The following HM13 variants were observed in gnomAD, a reference collection of about 807,000 sequenced individuals.
The protein encoded by HM13 is histocompatibility minor 13.
In HM13, 18 loss-of-function variants were observed where a neutral mutation model predicts 50.0. The observed-to-expected ratio is 0.36, with a 90% CI of 0.25 to 0.53. HM13 has a LOEUF of 0.53. HM13 is among the 20% of genes least tolerant of loss of function. The pLI is 0.90. For synonymous variants in HM13, 197 were observed against 232.6 expected (o/e 0.85, Z 1.39); for missense variants, 393 against 552.4 (o/e 0.71, Z 2.89).
intron 2 of HM13, chr20:31,527,838 G>T: frequency 4.9e-6 from 2 of 404,580 alleles, no homozygotes; most frequent in Non-Finnish European, 4.4e-6. Flanking sequence ...TCATTGTACT[G>T]TTTATGTTGG....
Position 31,514,807 on chromosome 20 carries a change from G to T in HM13, c.183+73G>T. 3 of 1,340,078 alleles carry T rather than the reference G, an allele frequency of 2.2e-6. No homozygotes were observed. The highest frequency in any genetic ancestry group is 2.9e-6 in the Non-Finnish European group (3 of 1,022,284). The allele number at this position is 1,340,078 out of a possible 1,614,324, so 83.0% of individuals were successfully genotyped here. ...CGGCCGACATGGACCCTTCCTAGGC[G>T]GGACAGACACCTCTCCCCGGACACT... On this transcript the variant is annotated intron_variant, in intron 1 of 12. Coordinates refer to ENST00000398174, the MANE Select transcript of HM13 (RefSeq NM_178581.3). The surrounding 1 kb of genome is among the most constrained non-coding windows in gnomAD (Gnocchi z 4.3).
At chr20:31,534,761 A>C (rs1983014455) in intron 2 of HM13, among the ~76,000 whole-genome samples, 1 of 148,386 alleles carries the variant, frequency 6.7e-6, no homozygotes, top group African/African-American at 2.5e-5. Flanking sequence ...CAGCCTAGGC[A>C]ACAAAGTGAG....
At chr20:31,533,804 C>G (rs1260239769) in intron 2 of HM13, among the ~76,000 whole-genome samples, 1 of 152,206 alleles carries the variant, frequency 6.6e-6, no homozygotes, top group Non-Finnish European at 1.5e-5. Flanking sequence ...CTCTCAAGGA[C>G]TTTCACACTG....
At chr20:31,556,476 C>T (rs1984321259) in intron 8 of HM13, among the ~76,000 whole-genome samples, 2 of 152,158 alleles carry the variant, frequency 1.3e-5, no homozygotes, top group African/African-American at 4.8e-5. Context: ...GTGACAGTTG[C>T]ATTTTGTGAC....
chr20:31,560,129 TCAGA>T (rs1378464914), intron 9 of HM13, among the ~76,000 whole-genome samples: 4 of 152,186 alleles, frequency 2.6e-5, no homozygotes, highest in Admixed American at 6.5e-5. Context: ...CTCTCTTTAC[TCAGA>T]CATTTTTCAG....
At position 31,561,464 on chromosome 20, in the gene HM13, C is replaced by G. The variant is rs73233683; in HGVS notation, c.846-170C>G. ...AGAAGGAAAGCAACTTGTCCAGAGA[C>G]ACATAGCTGGGGGCAGTATCAGCGT... On this transcript the variant is annotated intron_variant, in intron 9 of 12. Transcript: ENST00000398174. 9.3e-3 allele frequency among the ~76,000 whole-genome samples: 1,414 copies of G among 152,300 alleles called. 16 individuals are homozygous for G. Among genetic ancestry groups the G allele is most frequent in the African/African-American group, 0.032 (1,342 of 41,546 alleles).
intron 1 of HM13, among the ~76,000 whole-genome samples, chr20:31,523,381 G>T: frequency 6.6e-6 from 1 of 151,042 alleles, no homozygotes. Context: ...TCCTCCCTCA[G>T]CCTCCCAAGT....
intron 1 of HM13, among the ~76,000 whole-genome samples, chr20:31,516,620 C>T (rs1197151171): frequency 1.3e-5 from 2 of 152,128 alleles, no homozygotes; most frequent in African/African-American, 4.8e-5. Context: ...ACCAGGTAAG[C>T]AGAGAGAGGT....
intron 9 of HM13, among the ~76,000 whole-genome samples, chr20:31,561,233 A>G (rs1361883992): frequency 1.3e-5 from 2 of 152,192 alleles, no homozygotes; most frequent in Non-Finnish European, 2.9e-5. Context: ...CAAAATGCAG[A>G]TTCCTGGGCC....
Position 31,549,285 on chromosome 20 carries a change from A to G in HM13, c.619A>G (p.Thr207Ala). Reference protein sequence around the residue: ...VELLHLNNVSTGCILLGGLFI... With the variant: ...VELLHLNNVSAGCILLGGLFI... ...GCTCCTGCACCTCAACAATGTCAGC[A>G]CTGGCTGCATCCTGCTGGGCGGACT... Residue 207 changes from threonine (T) to alanine (A), a missense_variant, in exon 6 of 13, where the codon ACT (threonine) becomes GCT (alanine). Thr to Ala is a moderately conservative substitution (Grantham distance 58). Coordinates refer to ENST00000398174, the MANE Select transcript of HM13 (RefSeq NM_178581.3). 1 of 1,614,208 alleles carries G rather than the reference A, an allele frequency of 6.2e-7. No individual in the cohort carries two copies. Among genetic ancestry groups the G allele is most frequent in the Non-Finnish European group, 8.5e-7 (1 of 1,180,032 alleles).
chr20:31,527,376 A>G (rs1982553598), intron 1 of HM13, 108 bp from the exon 2 acceptor site: 3 of 710,868 alleles, frequency 4.2e-6, no homozygotes, highest in Admixed American at 2.7e-5. Flanking sequence ...ATCTTGCCCC[A>G]GGATGAGGCA....
At chr20:31,559,542 C>T in intron 8 of HM13, 69 bp from the exon 9 acceptor site, 1 of 1,499,308 alleles carries the variant, frequency 6.7e-7, no homozygotes. Context: ...GGGACCAGGA[C>T]CCAGTCTCCT....
chr20:31,569,072 C>T (rs1985107173), intron 12 of HM13, 48 bp from the exon 13 acceptor site: 3 of 1,345,844 alleles, frequency 2.2e-6, no homozygotes, highest in Non-Finnish European at 3.1e-6. Flanking sequence ...TTCTGCTCAC[C>T]CTCTCCTCTA....
rs1239691230 is a variant in HM13 at position 31,529,753 on chromosome 20, C to CAAAAACT, written c.282+2173_282+2179dup. Among the ~76,000 whole-genome samples, 3 of 152,110 alleles carry CAAAAACT rather than the reference C, an allele frequency of 2.0e-5. No individual in the cohort carries two copies. The East Asian group carries it at 5.8e-4, about 29-fold the overall frequency. ...CAACAATGGTGAAACCCTGTCTCTA[C>CAAAAACT]AAAAACTACAAAAATCCATCCTGGC... On this transcript the variant is annotated intron_variant, in intron 2 of 12. Transcript: ENST00000398174.
intron 4 of HM13, among the ~76,000 whole-genome samples, 197 bp downstream of exon 4, chr20:31,545,232 T>C (rs1235319582): frequency 1.3e-5 from 2 of 152,142 alleles, no homozygotes; most frequent in African/African-American, 4.8e-5. Flanking sequence ...TCTCTGAGCA[T>C]TGGGTGTTTT....
rs1047291217 is a variant in HM13, at chr20:31,550,912, A to G, written c.724+791A>G. On this transcript the variant is annotated intron_variant, in intron 7 of 12. Coordinates refer to ENST00000398174, the MANE Select transcript of HM13 (RefSeq NM_178581.3). ...AGGATCACTTGAGCCTGGGAGTTCC[A>G]GGCTGAAGTGAGCTATGATCATGTC... 7.2e-5 allele frequency among the ~76,000 whole-genome samples: 11 copies of G among 152,192 alleles called. No individual in the cohort carries two copies. In the East Asian group the frequency reaches 2.1e-3, roughly 29 times the overall value.
rs373138836 is a variant in HM13 at position 31,514,626 on chromosome 20, G to T, written c.75G>T (p.Pro25=). Residue 25 remains proline (P), a synonymous_variant, in exon 1 of 13, where the codon CCG becomes CCT. Transcript: ENST00000398174. The surrounding 1 kb of genome is among the most constrained non-coding windows in gnomAD (Gnocchi z 4.3). ...AGGPTNSTTR[P]PSTPEGIALA... Reference sequence around the variant, plus strand: ...GCCCCACCAACAGCACTACGCGGCCGCCTTCCACGCCCGAGGGCATCGCGC... The same window carrying T: ...GCCCCACCAACAGCACTACGCGGCCTCCTTCCACGCCCGAGGGCATCGCGC... 1.3e-6 allele frequency: 2 copies of T among 1,586,464 alleles called. No homozygotes were observed. Among genetic ancestry groups the T allele is most frequent in the African/African-American group, 1.3e-5 (1 of 74,504 alleles).
rs1985133316 is a variant in HM13, at chr20:31,569,362, T to C, written c.*143T>C. 1.9e-6 allele frequency: 1 copy of C among 534,776 alleles called. No homozygotes were observed. Among genetic ancestry groups the C allele is most frequent in the Non-Finnish European group, 3.4e-6 (1 of 291,690 alleles). The allele number at this position is 534,776 out of a possible 1,614,324, so 33.1% of individuals were successfully genotyped here. A position where few individuals can be genotyped will look rare whatever the true frequency, so the allele number is the denominator to read the frequency against. ...GCAGCAGGATACCTCCAGCCAGGCC[T>C]CTGTGGCCTCTGTTTCCTTCTCCCT... On this transcript the variant is annotated 3_prime_UTR_variant, in exon 13 of 13. Transcript: ENST00000398174.
chr20:31,545,053 T>A lies in HM13; in HGVS notation c.454+18T>A. 2 of 1,594,054 alleles carry A rather than the reference T, an allele frequency of 1.3e-6. No homozygotes were observed. The highest frequency in any genetic ancestry group is 1.7e-6 in the Non-Finnish European group (2 of 1,161,596). ...CAAGGAAGGTCAGTGCTAACCACTT[T>A]CCCCTGTAGTGTGCCTTGGGTGTCT... On this transcript the variant is annotated intron_variant, in intron 4 of 12. Coordinates refer to ENST00000398174, the MANE Select transcript of HM13 (RefSeq NM_178581.3).
Sources: allele counts gnomAD v4.1 joint callset (sites outside exome capture counted in the v4.1 genomes callset), GRCh38; gene constraint gnomAD v4.1.1; non-coding constraint Gnocchi (gnomAD v3.1); transcripts MANE v1.5; gene names NCBI Gene and HGNC (gene_info 2026-07-23, HGNC 2026-07-21).